The following RFX3 variants were observed in gnomAD, a reference collection of about 807,000 sequenced individuals.
RFX3 encodes transcription factor RFX3.
In RFX3, 14 loss-of-function variants were observed where a neutral mutation model predicts 98.6. The ratio of observed to expected loss-of-function variants is 0.14; its 90% CI spans 0.09 to 0.22. The LOEUF is 0.22. Ranked by LOEUF, RFX3 falls within the 10% of genes least tolerant of loss-of-function variation. The pLI is 1.00. For missense variants in RFX3, 639 were observed against 926.9 expected (o/e 0.69, Z 4.03); for synonymous variants, 383 against 328.4 (o/e 1.17, Z -1.80).
At chr9:3,471,967 C>A (rs1848816957) in intron 1 of RFX3, among the ~76,000 whole-genome samples, 2 of 152,202 alleles carry the variant, frequency 1.3e-5, no homozygotes, top group Admixed American at 1.3e-4. Context: ...CTACTCGTGG[C>A]TGACTTATGA....
At chr9:3,431,758 A>G (rs1844676356) in intron 1 of RFX3, among the ~76,000 whole-genome samples, 1 of 152,214 alleles carries the variant, frequency 6.6e-6, no homozygotes, top group Admixed American at 6.5e-5. Flanking sequence ...ATGTCAAGAC[A>G]AGAGAAGCAG....
At position 3,248,861 on chromosome 9, in the gene RFX3, G is replaced by C. The variant is rs571740893; in HGVS notation, c.1815-676C>G. Among the ~76,000 whole-genome samples, 6 of 152,134 alleles carry C rather than the reference G, an allele frequency of 3.9e-5. No individual in the cohort carries two copies. The South Asian group carries it at 1.2e-3, about 32-fold the overall frequency. ...ATTTTTGAAAATGCAAACATTTAAAGTATATAATACGAAAATATAAGCAAT... is the reference window on the plus strand; with the variant it reads ...ATTTTTGAAAATGCAAACATTTAAACTATATAATACGAAAATATAAGCAAT... On this transcript the variant is annotated intron_variant, in intron 14 of 16. Coordinates refer to ENST00000617270, the MANE Select transcript of RFX3 (RefSeq NM_001282116.2).
intron 2 of RFX3, among the ~76,000 whole-genome samples, chr9:3,372,209 C>T (rs1837941220): frequency 2.0e-5 from 3 of 152,156 alleles, no homozygotes; most frequent in Admixed American, 1.3e-4. Context: ...TATCTCTCTG[C>T]CTATGACCAA....
At chr9:3,442,066 G>A (rs1234054159) in intron 1 of RFX3, among the ~76,000 whole-genome samples, 1 of 152,018 alleles carries the variant, frequency 6.6e-6, no homozygotes, top group African/African-American at 2.4e-5. Flanking sequence ...CAGGCGTGGT[G>A]GCACGCACCT....
At chr9:3,263,828 C>T (rs1823241263) in intron 12 of RFX3, among the ~76,000 whole-genome samples, 1 of 152,174 alleles carries the variant, frequency 6.6e-6, no homozygotes, top group Non-Finnish European at 1.5e-5. Flanking sequence ...TGACCAATAA[C>T]AGGCACTGGC....
chr9:3,348,430 A>G (rs1001645773), intron 2 of RFX3, among the ~76,000 whole-genome samples: 3 of 151,704 alleles, frequency 2.0e-5, no homozygotes, highest in Admixed American at 6.6e-5. Flanking sequence ...GTTTCGCCTG[A>G]GGATATTAGT....
chr9:3,327,452 G>T (rs1338605367), intron 4 of RFX3, among the ~76,000 whole-genome samples: 1 of 151,958 alleles, frequency 6.6e-6, no homozygotes, highest in Non-Finnish European at 1.5e-5. Flanking sequence ...TCAATTCAAG[G>T]TAATACAATA....
chr9:3,518,450 G>A (rs997463721), intron 1 of RFX3, among the ~76,000 whole-genome samples: 2 of 152,116 alleles, frequency 1.3e-5, no homozygotes, highest in Non-Finnish European at 2.9e-5. Context: ...GGAGTGGGGA[G>A]AATGGTGAAA....
intron 1 of RFX3, among the ~76,000 whole-genome samples, chr9:3,497,656 G>T (rs973154569): frequency 2.6e-5 from 4 of 151,858 alleles, no homozygotes; most frequent in African/African-American, 9.7e-5. Context: ...ACAGGAATGT[G>T]AAAGAATACA....
At chr9:3,410,272 C>T (rs1381999512) in intron 1 of RFX3, among the ~76,000 whole-genome samples, 3 of 148,308 alleles carry the variant, frequency 2.0e-5, no homozygotes, top group Non-Finnish European at 3.0e-5. Flanking sequence ...ACCATCTTGC[C>T]AACTTGTTTT....
At chr9:3,520,814 A>G (rs1352244551) in intron 1 of RFX3, among the ~76,000 whole-genome samples, 1 of 152,150 alleles carries the variant, frequency 6.6e-6, no homozygotes, top group Non-Finnish European at 1.5e-5. Flanking sequence ...AGCTTGAACT[A>G]CAGGCACGCA....
chr9:3,354,286 A>T (rs1044853237), intron 2 of RFX3, among the ~76,000 whole-genome samples: 1 of 151,910 alleles, frequency 6.6e-6, no homozygotes, highest in African/African-American at 2.4e-5. Flanking sequence ...GAAGAACATC[A>T]TCAATGTACA....
intron 2 of RFX3, among the ~76,000 whole-genome samples, chr9:3,376,482 A>C (rs1333398843): frequency 6.6e-6 from 1 of 152,198 alleles, no homozygotes; most frequent in Non-Finnish European, 1.5e-5. Flanking sequence ...TCAATAAAAA[A>C]ACCTCTCATA....
intron 14 of RFX3, among the ~76,000 whole-genome samples, chr9:3,253,484 T>C (rs1821703341): frequency 6.6e-6 from 1 of 152,136 alleles, no homozygotes; most frequent in African/African-American, 2.4e-5. Flanking sequence ...TCTTCTGTTA[T>C]CCAAAACACA....
intron 4 of RFX3, among the ~76,000 whole-genome samples, chr9:3,320,351 G>C (rs1005618246): frequency 2.0e-5 from 3 of 152,008 alleles, no homozygotes; most frequent in Non-Finnish European, 4.4e-5. Flanking sequence ...CCAGGAGTTT[G>C]AGACCAGCCT....
intron 4 of RFX3, chr9:3,324,157 C>T (rs1369679041): frequency 3.4e-6 from 1 of 290,130 alleles, no homozygotes; most frequent in Non-Finnish European, 8.2e-6. Context: ...ATACATGTTC[C>T]TGCCAAAATA....
intron 1 of RFX3, among the ~76,000 whole-genome samples, chr9:3,475,914 C>G (rs1849206261): frequency 6.6e-6 from 1 of 152,168 alleles, no homozygotes; most frequent in African/African-American, 2.4e-5. Flanking sequence ...ACTGACGCTA[C>G]CACTAGACCA....
chr9:3,242,406 T>G (rs1319080199), intron 15 of RFX3, among the ~76,000 whole-genome samples: 1 of 144,172 alleles, frequency 6.9e-6, no homozygotes, highest in Non-Finnish European at 1.5e-5. Flanking sequence ...TCCATGATTG[T>G]TTTTTTTTTT....
At chr9:3,487,989 T>C (rs1482206006) in intron 1 of RFX3, among the ~76,000 whole-genome samples, 2 of 152,130 alleles carry the variant, frequency 1.3e-5, no homozygotes, top group East Asian at 3.8e-4. Flanking sequence ...AGCATGACCT[T>C]TGTGTAGCAT....
Sources: allele counts gnomAD v4.1 joint callset (sites outside exome capture counted in the v4.1 genomes callset), GRCh38; gene constraint gnomAD v4.1.1; transcripts MANE v1.5; gene names NCBI Gene and HGNC (gene_info 2026-07-23, HGNC 2026-07-21).